The following MGAT5B variants were observed in gnomAD, a reference collection of about 807,000 sequenced individuals.
MGAT5B encodes the protein N-acetylglucosaminyl-transferase Vb.
In MGAT5B, 54 loss-of-function variants were observed where a neutral mutation model predicts 95.1. That is an observed-to-expected ratio of 0.57 (90% CI 0.46 to 0.71). The LOEUF (loss-of-function observed/expected upper bound fraction) is 0.71. Among genes scored for constraint, MGAT5B ranks in the 30% least tolerant of loss-of-function variants. MGAT5B has a pLI of 0.00. For missense variants in MGAT5B, 935 were observed against 1,088.6 expected (o/e 0.86, Z 1.99); for synonymous variants, 464 against 451.0 (o/e 1.03, Z -0.36).
chr17:76,896,707 C>T (rs1473655210), intron 3 of MGAT5B, among the ~76,000 whole-genome samples: 1 of 152,154 alleles, frequency 6.6e-6, no homozygotes, highest in African/African-American at 2.4e-5. Context: ...GAACCCAGGA[C>T]CTCTGACTTC....
chr17:76,880,316 T>C (rs1967362894), intron 2 of MGAT5B, among the ~76,000 whole-genome samples: 1 of 152,172 alleles, frequency 6.6e-6, no homozygotes, highest in Non-Finnish European at 1.5e-5. Context: ...GTGTGAGTGG[T>C]CCCGCCCCAG....
intron 3 of MGAT5B, among the ~76,000 whole-genome samples, chr17:76,892,402 G>A (rs1467006137): frequency 8.5e-5 from 13 of 152,224 alleles, no homozygotes; most frequent in Non-Finnish European, 1.9e-4. Context: ...AGTGACCTCT[G>A]CCCCGCAATG....
rs925921503 is a variant in MGAT5B, at chr17:76,869,902, C to T, written c.68+805C>T. On this transcript the variant is annotated intron_variant, in intron 1 of 17. Transcript: ENST00000569840. The surrounding 1 kb of genome is among the most constrained non-coding windows in gnomAD (Gnocchi z 7.0). ...CAGGGCCCAGCGGTGCCGGGGCAGC[C>T]CCCTCTCCTCCCAGGCATCCGCGGA... 1.3e-5 allele frequency among the ~76,000 whole-genome samples: 2 copies of T among 152,126 alleles called. No homozygotes were observed. The highest frequency in any genetic ancestry group is 2.9e-5 in the Non-Finnish European group (2 of 67,976).
Position 76,892,142 on chromosome 17 carries a change from G to A in MGAT5B, c.329+9844G>A, listed in dbSNP as rs1181945481. Among the ~76,000 whole-genome samples, 4 of 152,218 alleles carry A rather than the reference G, an allele frequency of 2.6e-5. No homozygotes were observed. The East Asian group carries it at 7.7e-4, about 29-fold the overall frequency. ...GCTCACTGAAGATCTCAACCTTCTG[G>A]GCTCAAGCAATCCTCCCACCTCAGC... On this transcript the variant is annotated intron_variant, in intron 3 of 17. Transcript: ENST00000569840.
chr17:76,930,338 C>T lies in MGAT5B; in HGVS notation c.1292-2307C>T, dbSNP rs561031880. On this transcript the variant is annotated intron_variant, in intron 10 of 17. Coordinates refer to ENST00000569840, the MANE Select transcript of MGAT5B (RefSeq NM_001199172.2). The surrounding 1 kb of genome is among the most constrained non-coding windows in gnomAD (Gnocchi z 4.1). ...GTGGGAATACTACAGTAGATTTACA[C>T]ATTTGATGAAAGCATGCATCCCAAT... 6.6e-6 allele frequency among the ~76,000 whole-genome samples: 1 copy of T among 152,226 alleles called. No individual in the cohort carries two copies. Among genetic ancestry groups the T allele is most frequent in the East Asian group, 1.9e-4 (1 of 5,178 alleles).
intron 15 of MGAT5B, among the ~76,000 whole-genome samples, chr17:76,942,933 G>A (rs1050057651): frequency 1.1e-4 from 16 of 152,166 alleles, no homozygotes; most frequent in South Asian, 2.1e-4. Flanking sequence ...TGGGGAGGGG[G>A]ACTACATAGA....
At chr17:76,883,107 C>T (rs533238494) in intron 3 of MGAT5B, among the ~76,000 whole-genome samples, 75 of 152,168 alleles carry the variant, frequency 4.9e-4, no homozygotes, top group African/African-American at 1.8e-3. Flanking sequence ...AAGTGATTCT[C>T]GTGCCTCAGC....
intron 1 of MGAT5B, among the ~76,000 whole-genome samples, chr17:76,872,238 C>T (rs1967035950): frequency 6.6e-6 from 1 of 151,920 alleles, no homozygotes; most frequent in South Asian, 2.1e-4. Context: ...GACATCTTAC[C>T]ATCTAGTGGT....
Position 76,940,667 on chromosome 17 carries a change from C to T in MGAT5B, c.1732-65C>T. 1.9e-6 allele frequency: 3 copies of T among 1,600,712 alleles called. No individual in the cohort carries two copies. Among genetic ancestry groups the T allele is most frequent in the Middle Eastern group, 1.7e-4 (1 of 6,008 alleles). ...GGAGATAGGACAAGTGTATGGGGTA[C>T]CTTTCTTTGTCCCTGTCCCACTGGC... is the stretch of plus-strand genomic sequence containing the variant. On this transcript the variant is annotated intron_variant, in intron 14 of 17. Coordinates refer to ENST00000569840, the MANE Select transcript of MGAT5B (RefSeq NM_001199172.2). This position sits in a 1 kb window ranked among gnomAD's most constrained non-coding sequence, Gnocchi z 4.3.
intron 1 of MGAT5B, 63 bp from the exon 2 acceptor site, chr17:76,872,788 G>T (rs376852668): frequency 6.2e-7 from 1 of 1,613,752 alleles, no homozygotes; most frequent in African/African-American, 1.3e-5. Flanking sequence ...GCCGGTACGT[G>T]GTGGAGCGTC....
At chr17:76,871,178 G>A (rs894379430) in intron 1 of MGAT5B, among the ~76,000 whole-genome samples, 3 of 152,142 alleles carry the variant, frequency 2.0e-5, no homozygotes, top group Non-Finnish European at 4.4e-5. Context: ...CCTCAGACTG[G>A]GAGGACAAAT....
intron 3 of MGAT5B, among the ~76,000 whole-genome samples, chr17:76,899,336 A>G (rs1473570796): frequency 6.6e-6 from 1 of 151,904 alleles, no homozygotes; most frequent in Non-Finnish European, 1.5e-5. Context: ...CTGCCTCTGC[A>G]CTCTGTCCTT....
At position 76,939,025 on chromosome 17, in the gene MGAT5B, TGG is replaced by T. The variant is rs112555397; in HGVS notation, c.1584+886_1584+887del. 5.0e-3 allele frequency among the ~76,000 whole-genome samples: 648 copies of T among 128,912 alleles called. 10 individuals are homozygous for T. Among genetic ancestry groups the T allele is most frequent in the East Asian group, 0.029 (117 of 4,006 alleles). The allele number at this position is 128,912 out of a possible 152,430, so 84.6% of individuals were successfully genotyped here. A position where few individuals can be genotyped will look rare whatever the true frequency, so the allele number is the denominator to read the frequency against. ...CCATAGCTTGTTTCCCAAGGCATCT[TGG>T]GGGTGTGTGTGTGTGTGTGTGTGTG... On this transcript the variant is annotated intron_variant, in intron 13 of 17. Transcript: ENST00000569840.
intron 8 of MGAT5B, among the ~76,000 whole-genome samples, chr17:76,920,203 C>T (rs1230013290): frequency 6.6e-6 from 1 of 152,204 alleles, no homozygotes; most frequent in Non-Finnish European, 1.5e-5. Flanking sequence ...CAAGTTCCTT[C>T]TGCCCCTGAG....
intron 16 of MGAT5B, among the ~76,000 whole-genome samples, chr17:76,946,709 A>T (rs1305448033): frequency 6.6e-6 from 1 of 152,256 alleles, no homozygotes; most frequent in Non-Finnish European, 1.5e-5. Flanking sequence ...CGGCACTAAC[A>T]GAAACACAAA....
chr17:76,907,247 C>T (rs1395301214), intron 8 of MGAT5B, among the ~76,000 whole-genome samples: 1 of 152,142 alleles, frequency 6.6e-6, no homozygotes, highest in Non-Finnish European at 1.5e-5. Context: ...GATGGGGTTT[C>T]AGCATGTTGC....
In MGAT5B at chr17:76,905,268, C is replaced by A; in HGVS notation, c.790C>A (p.Gln264Lys). 2 of 1,612,010 alleles carry A rather than the reference C, an allele frequency of 1.2e-6. No homozygotes were observed. The highest frequency in any genetic ancestry group is 1.1e-5 in the South Asian group (1 of 91,018). Residue 264 changes from glutamine to lysine, a missense_variant, in exon 7 of 18, where the codon CAG (glutamine) becomes AAG (lysine). Transcript: ENST00000569840. The surrounding 1 kb of genome is among the most constrained non-coding windows in gnomAD (Gnocchi z 4.2). ...GAAGCGGACCAAGAGGCTCACAGCC[C>A]AGTGGGCGCTGGCTGCCCAGCGCCT... ...MKKRTKRLTAQWALAAQRLAQ... is the reference protein window; with the variant it reads ...MKKRTKRLTAKWALAAQRLAQ...
chr17:76,878,248 G>A (rs1967268212), intron 2 of MGAT5B, among the ~76,000 whole-genome samples: 1 of 152,164 alleles, frequency 6.6e-6, no homozygotes, highest in Admixed American at 6.5e-5. Context: ...GGTACCCCGA[G>A]GGCTCATTGG....
At chr17:76,880,535 C>G (rs1349973714) in intron 2 of MGAT5B, among the ~76,000 whole-genome samples, 2 of 152,220 alleles carry the variant, frequency 1.3e-5, no homozygotes. Flanking sequence ...GCCTCTAGCT[C>G]CCTCTCTCCT....
Sources: allele counts gnomAD v4.1 joint callset (sites outside exome capture counted in the v4.1 genomes callset), GRCh38; gene constraint gnomAD v4.1.1; non-coding constraint Gnocchi (gnomAD v3.1); transcripts MANE v1.5; gene names NCBI Gene and HGNC (gene_info 2026-07-23, HGNC 2026-07-21).